The following EFHD2 variants were observed in gnomAD, a reference collection of about 807,000 sequenced individuals.
EFHD2 encodes the protein EF-hand domain family member D2.
Under a neutral mutation model 20.3 loss-of-function variants are expected in EFHD2, and 12 were observed. The observed-to-expected ratio is 0.59, with a 90% confidence interval of 0.38 to 0.96. The LOEUF (loss-of-function observed/expected upper bound fraction) is 0.96, where lower values mean the gene tolerates loss of function less well. Ranked by LOEUF, EFHD2 falls within the 40% of genes least tolerant of loss-of-function variation. The pLI, the probability that EFHD2 is intolerant of heterozygous loss-of-function variation, is 0.00. For missense variants in EFHD2, 250 were observed against 334.3 expected (o/e 0.75, Z 1.97); for synonymous variants, 131 against 143.9 (o/e 0.91, Z 0.64).
chr1:15,411,193 C>G (rs577179822), intron 1 of EFHD2, among the ~76,000 whole-genome samples: 3 of 151,236 alleles, frequency 2.0e-5, no homozygotes, highest in African/African-American at 7.3e-5. Context: ...CTCCTCCCCA[C>G]TCCGTATATC....
chr1:15,418,045 A>C (rs1570765224), intron 1 of EFHD2, among the ~76,000 whole-genome samples: 2 of 127,068 alleles, frequency 1.6e-5, no homozygotes, highest in Admixed American at 1.0e-4. Context: ...GCTGGAGTGC[A>C]GTGGCACAAT....
intron 1 of EFHD2, among the ~76,000 whole-genome samples, chr1:15,414,384 G>A (rs1707612166): frequency 6.6e-6 from 1 of 152,268 alleles, no homozygotes; most frequent in Admixed American, 6.5e-5. Context: ...TCTGGAGTCT[G>A]CAGCCCTGGG....
At chr1:15,410,731 C>A (rs1219157961) in intron 1 of EFHD2, among the ~76,000 whole-genome samples, 1 of 151,880 alleles carries the variant, frequency 6.6e-6, no homozygotes, top group African/African-American at 2.4e-5. Flanking sequence ...CAGCTACTCG[C>A]GTTCCCCACC....
In EFHD2 at chr1:15,413,808, C is replaced by T. The variant is rs1024031000; in HGVS notation, c.308+3529C>T. On this transcript the variant is annotated intron_variant, in intron 1 of 3. Transcript: ENST00000375980. This position sits in a 1 kb window ranked among gnomAD's most constrained non-coding sequence, Gnocchi z 4.4. ...AGGGTGGGGCTCCGAGGACATGACA[C>T]ACTTAGAGTTCTGGGCCAGTGCCAG... 2.5e-4 allele frequency among the ~76,000 whole-genome samples: 38 copies of T among 152,318 alleles called. No individual in the cohort carries two copies. Among genetic ancestry groups the T allele is most frequent in the Admixed American group, 1.4e-3 (22 of 15,304 alleles).
intron 1 of EFHD2, among the ~76,000 whole-genome samples, chr1:15,415,752 AG>A (rs1707655681): frequency 6.6e-6 from 1 of 152,036 alleles, no homozygotes; most frequent in African/African-American, 2.4e-5. Context: ...AGCCTCCCAA[AG>A]TGCTGGGATT....
At chr1:15,412,376 T>G (rs1331993182) in intron 1 of EFHD2, among the ~76,000 whole-genome samples, 5 of 152,142 alleles carry the variant, frequency 3.3e-5, no homozygotes, top group Admixed American at 6.5e-5. Context: ...CACAGAGCTC[T>G]TCGTCACCTT....
At chr1:15,425,654 C>G (rs534792235) in intron 1 of EFHD2, among the ~76,000 whole-genome samples, 12 of 152,156 alleles carry the variant, frequency 7.9e-5, no homozygotes, top group Admixed American at 2.0e-4. Context: ...ATGCAGGAGG[C>G]TGCCAGGCCC....
chr1:15,428,844 T>C lies in EFHD2; in HGVS notation c.*120T>C. The C allele has an allele frequency of 1.4e-6, 2 of 1,425,364 alleles. No individual in the cohort carries two copies. Among genetic ancestry groups the C allele is most frequent in the Non-Finnish European group, 1.9e-6 (2 of 1,052,172 alleles). 88.3% of individuals were successfully genotyped at this position (1,425,364 alleles called of 1,614,324 possible). ...GGGACCACTACTAAAAACCTAAAAA[T>C]ATCTGTGAATGGAGCAAGTTCAGGG... On this transcript the variant is annotated 3_prime_UTR_variant, in exon 4 of 4. Coordinates refer to ENST00000375980, the MANE Select transcript of EFHD2 (RefSeq NM_024329.6).
chr1:15,425,822 C>T lies in EFHD2; in HGVS notation c.309-49C>T, dbSNP rs532998185. On this transcript the variant is annotated intron_variant, in intron 1 of 3. Transcript: ENST00000375980. ...GTCTCCTTGCACTCAAGCCTGCGGCCTCTCTGACTGAGCCAGTGCCAAGAT... is the reference window on the plus strand; with the variant it reads ...GTCTCCTTGCACTCAAGCCTGCGGCTTCTCTGACTGAGCCAGTGCCAAGAT... The T allele has an allele frequency of 2.5e-6, 4 of 1,584,924 alleles. No individual in the cohort carries two copies. The African/African-American group carries it at 5.5e-5, about 22-fold the overall frequency.
At chr1:15,425,850 C>A in intron 1 of EFHD2, 21 bp from the exon 2 acceptor site, 1 of 1,603,548 alleles carries the variant, frequency 6.2e-7, no homozygotes, top group Non-Finnish European at 8.5e-7. Context: ...GCCAAGATGT[C>A]CTCTCTTTTT....
chr1:15,411,740 G>A (rs1707523186), intron 1 of EFHD2, among the ~76,000 whole-genome samples: 1 of 152,212 alleles, frequency 6.6e-6, no homozygotes, highest in African/African-American at 2.4e-5. Flanking sequence ...GGCTGAGGGA[G>A]GGATGCGGCA....
chr1:15,410,430 G>T (rs1263280853), intron 1 of EFHD2, 151 bp downstream of exon 1: 17 of 995,842 alleles, frequency 1.7e-5, no homozygotes, highest in Non-Finnish European at 2.3e-5. Flanking sequence ...GGACCCGGCG[G>T]CCCCTTCCAG....
At chr1:15,411,018 C>T (rs1316216547) in intron 1 of EFHD2, among the ~76,000 whole-genome samples, 1 of 152,038 alleles carries the variant, frequency 6.6e-6, no homozygotes, top group African/African-American at 2.4e-5. Flanking sequence ...AGGGACCCCT[C>T]GGCCCCTGTT....
At chr1:15,424,208 T>G (rs1186146700) in intron 1 of EFHD2, among the ~76,000 whole-genome samples, 1 of 150,082 alleles carries the variant, frequency 6.7e-6, no homozygotes, top group Non-Finnish European at 1.5e-5. Context: ...GAAAAACCCA[T>G]GTTACCAACT....
At chr1:15,421,999 G>A (rs754140925) in intron 1 of EFHD2, among the ~76,000 whole-genome samples, 1 of 151,828 alleles carries the variant, frequency 6.6e-6, no homozygotes, top group East Asian at 1.9e-4. Flanking sequence ...GGGCTCAGTC[G>A]TTCCTCACAG....
Position 15,417,175 on chromosome 1 carries a change from C to G in EFHD2, c.308+6896C>G, listed in dbSNP as rs375869942. On this transcript the variant is annotated intron_variant, in intron 1 of 3. Transcript: ENST00000375980. ...CTGACGTTTAAGAAGCGCTAAGCCT[C>G]GGCTCAGGCCCCCGCACAGCCGTCT... Among the ~76,000 whole-genome samples, 11 of 152,296 alleles carry G rather than the reference C, an allele frequency of 7.2e-5. No individual in the cohort carries two copies. The East Asian group carries it at 1.7e-3, about 24-fold the overall frequency.
At chr1:15,418,593 CGG>C (rs1447996612) in intron 1 of EFHD2, among the ~76,000 whole-genome samples, 15 of 151,822 alleles carry the variant, frequency 9.9e-5, no homozygotes, top group East Asian at 3.9e-4. Context: ...GCGGGAGCCA[CGG>C]CACCCGGCCG....
At position 15,414,164 on chromosome 1, in the gene EFHD2, G is replaced by A. The variant is rs572070459; in HGVS notation, c.308+3885G>A. Among the ~76,000 whole-genome samples, 4 of 152,328 alleles carry A rather than the reference G, an allele frequency of 2.6e-5. No individual in the cohort carries two copies. The East Asian group carries it at 5.8e-4, about 22-fold the overall frequency. ...ACGATGCCCTAGATCCCTGTCTCCC[G>A]CCTAGCACAGCCTTGCAGGCCCTGT... On this transcript the variant is annotated intron_variant, in intron 1 of 3. Coordinates refer to ENST00000375980, the MANE Select transcript of EFHD2 (RefSeq NM_024329.6).
intron 1 of EFHD2, among the ~76,000 whole-genome samples, chr1:15,423,415 G>C (rs1428721582): frequency 6.6e-6 from 1 of 152,046 alleles, no homozygotes; most frequent in African/African-American, 2.4e-5. Flanking sequence ...TATACCCCTC[G>C]CACAAATGCT....
Sources: allele counts gnomAD v4.1 joint callset (sites outside exome capture counted in the v4.1 genomes callset), GRCh38; gene constraint gnomAD v4.1.1; non-coding constraint Gnocchi (gnomAD v3.1); transcripts MANE v1.5; gene names NCBI Gene and HGNC (gene_info 2026-07-23, HGNC 2026-07-21).